PLCL2: variants seen among roughly 807,000 people sequenced by gnomAD.
PLCL2 encodes inactive phospholipase C-like protein 2.
Under a neutral mutation model 79.6 loss-of-function variants are expected in PLCL2, and 4 were observed. That is an observed-to-expected ratio of 0.05 (90% CI 0.02 to 0.11). The LOEUF is 0.11. Among genes scored for constraint, PLCL2 ranks in the 10% least tolerant of loss-of-function variants. The probability of loss-of-function intolerance (pLI) is 1.00; values close to 1 mark genes in which losing one functional copy is unlikely to be tolerated. For synonymous variants in PLCL2, 484 were observed against 457.7 expected, an observed-to-expected ratio of 1.06 and a Z score of -0.73; for missense variants, 895 against 1,291.0, an observed-to-expected ratio of 0.69 and a Z score of 4.70.
At chr3:17,076,023 T>C (rs996700820) in intron 5 of PLCL2, among the ~76,000 whole-genome samples, 18 of 152,204 alleles carry the variant, frequency 1.2e-4, no homozygotes, top group African/African-American at 4.3e-4. Context: ...TTTATTCTTC[T>C]TGGGTAAATA....
chr3:16,893,890 A>G (rs1367258487), intron 1 of PLCL2, among the ~76,000 whole-genome samples: 1 of 152,224 alleles, frequency 6.6e-6, no homozygotes, highest in Non-Finnish European at 1.5e-5. Flanking sequence ...AGGTTGACAC[A>G]AATCCTGTGT....
chr3:16,943,311 C>A (rs1029153912), intron 1 of PLCL2, among the ~76,000 whole-genome samples: 1 of 152,104 alleles, frequency 6.6e-6, no homozygotes, highest in Admixed American at 6.5e-5. Flanking sequence ...GCTCTAAAAC[C>A]CTTCCATTGA....
chr3:16,922,939 C>T (rs1697157045), intron 1 of PLCL2, among the ~76,000 whole-genome samples: 1 of 152,102 alleles, frequency 6.6e-6, no homozygotes, highest in East Asian at 1.9e-4. Context: ...TCAATACTTA[C>T]TGTAAAGGTG....
intron 1 of PLCL2, among the ~76,000 whole-genome samples, chr3:16,956,699 A>G (rs953244056): frequency 6.6e-6 from 1 of 152,122 alleles, no homozygotes; most frequent in Non-Finnish European, 1.5e-5. Context: ...TATTGCCGCA[A>G]TTTCAGAGCC....
chr3:16,911,834 A>G (rs559909119), intron 1 of PLCL2, among the ~76,000 whole-genome samples: 2 of 152,242 alleles, frequency 1.3e-5, no homozygotes, highest in East Asian at 1.9e-4. Context: ...CTTTTTGGGT[A>G]CCAACATGAT....
chr3:16,932,607 A>G (rs1249849512), intron 1 of PLCL2, among the ~76,000 whole-genome samples: 2 of 152,166 alleles, frequency 1.3e-5, no homozygotes, highest in East Asian at 1.9e-4. Context: ...CTCTCTCTCC[A>G]TTGCAGTTCT....
chr3:17,021,309 A>G (rs370554944), intron 3 of PLCL2, among the ~76,000 whole-genome samples: 11 of 152,292 alleles, frequency 7.2e-5, no homozygotes, highest in Middle Eastern at 3.4e-3. Context: ...TGAAATCATC[A>G]AAACCATTGA....
chr3:17,027,723 A>G (rs991626810), intron 3 of PLCL2, among the ~76,000 whole-genome samples: 1 of 152,054 alleles, frequency 6.6e-6, no homozygotes, highest in Admixed American at 6.6e-5. Flanking sequence ...TGGGATTCTA[A>G]TCGTTAACCT....
intron 1 of PLCL2, among the ~76,000 whole-genome samples, chr3:16,920,922 G>C (rs1697111716): frequency 6.6e-6 from 1 of 152,152 alleles, no homozygotes; most frequent in Non-Finnish European, 1.5e-5. Flanking sequence ...AAGGAAGTTT[G>C]GTGTGGTAAT....
intron 3 of PLCL2, among the ~76,000 whole-genome samples, chr3:17,032,898 A>C (rs968486018): frequency 6.6e-6 from 1 of 152,184 alleles, no homozygotes; most frequent in Non-Finnish European, 1.5e-5. Context: ...TTAACCTGTG[A>C]AATATGGCCC....
At chr3:17,046,378 C>A (rs891456976) in intron 4 of PLCL2, among the ~76,000 whole-genome samples, 2 of 152,154 alleles carry the variant, frequency 1.3e-5, no homozygotes, top group African/African-American at 4.8e-5. Context: ...TCTTTAAATG[C>A]CAAAACTGCA....
intron 1 of PLCL2, among the ~76,000 whole-genome samples, chr3:16,981,448 G>T (rs1227162249): frequency 7.2e-5 from 11 of 152,148 alleles, no homozygotes; most frequent in African/African-American, 2.7e-4. Context: ...CACTGACTAG[G>T]AGAAATGTGT....
chr3:16,964,015 AATT>A (rs1183202288), intron 1 of PLCL2, among the ~76,000 whole-genome samples: 3 of 151,928 alleles, frequency 2.0e-5, no homozygotes, highest in African/African-American at 7.3e-5. Context: ...AGGATTAGCA[AATT>A]ATTATTATTA....
At chr3:16,922,506 A>G (rs1190587035) in intron 1 of PLCL2, among the ~76,000 whole-genome samples, 3 of 152,142 alleles carry the variant, frequency 2.0e-5, no homozygotes, top group Non-Finnish European at 4.4e-5. Flanking sequence ...GCATGTATGC[A>G]TTTGTACTCT....
At chr3:17,085,436 C>CTT (rs57194206) in intron 5 of PLCL2, among the ~76,000 whole-genome samples, 3 of 143,338 alleles carry the variant, frequency 2.1e-5, no homozygotes, top group African/African-American at 7.6e-5. Flanking sequence ...CAATTTATTT[C>CTT]TTTTTTTTTT....
intron 1 of PLCL2, among the ~76,000 whole-genome samples, chr3:16,947,552 A>G (rs1044478643): frequency 2.0e-5 from 3 of 152,186 alleles, no homozygotes; most frequent in African/African-American, 7.2e-5. Context: ...CATCACATCC[A>G]TGGGGTGGAA....
chr3:16,938,115 A>T (rs541668623), intron 1 of PLCL2, among the ~76,000 whole-genome samples: 1 of 152,338 alleles, frequency 6.6e-6, no homozygotes, highest in Non-Finnish European at 1.5e-5. Flanking sequence ...ACTGGAGTGA[A>T]TTATAAATCT....
intron 1 of PLCL2, among the ~76,000 whole-genome samples, chr3:16,977,816 C>G (rs1463624637): frequency 6.6e-6 from 1 of 152,086 alleles, no homozygotes; most frequent in African/African-American, 2.4e-5. Context: ...TCACAGTTCT[C>G]GAGGGTGGAA....
intron 1 of PLCL2, among the ~76,000 whole-genome samples, chr3:16,970,588 G>T (rs1474567448): frequency 1.3e-5 from 2 of 149,236 alleles, no homozygotes; most frequent in Non-Finnish European, 3.0e-5. Context: ...ATAATGGGAT[G>T]GCTGGGTCAA....
Sources: allele counts gnomAD v4.1 joint callset (sites outside exome capture counted in the v4.1 genomes callset), GRCh38; gene constraint gnomAD v4.1.1; transcripts MANE v1.5; gene names NCBI Gene and HGNC (gene_info 2026-07-23, HGNC 2026-07-21).